The following PAG1 variants were observed in gnomAD, a reference collection of about 807,000 sequenced individuals.
PAG1 encodes phosphoprotein associated with glycosphingolipid-enriched microdomains 1.
PAG1 carries 23 observed loss-of-function variants against 31.7 expected under a neutral mutation model. The ratio of observed to expected loss-of-function variants is 0.73; its 90% CI spans 0.52 to 1.03. The LOEUF is 1.03. Among genes scored for constraint, PAG1 ranks in the 50% least tolerant of loss-of-function variants. The pLI, the probability that PAG1 is intolerant of heterozygous loss-of-function variation, is 0.00. For missense variants in PAG1, 473 were observed against 540.7 expected (o/e 0.87, Z 1.24); for synonymous variants, 214 against 210.3 (o/e 1.02, Z -0.15).
intron 3 of PAG1, among the ~76,000 whole-genome samples, chr8:81,000,462 T>A (rs1807765361): frequency 6.6e-6 from 1 of 152,106 alleles, no homozygotes; most frequent in South Asian, 2.1e-4. Flanking sequence ...TCGCCCAGGC[T>A]GGAGTGCAGT....
intron 1 of PAG1, among the ~76,000 whole-genome samples, chr8:81,101,572 C>T (rs772725036): frequency 6.6e-6 from 1 of 152,134 alleles, no homozygotes; most frequent in African/African-American, 2.4e-5. Flanking sequence ...TAATTCCTAA[C>T]ACTTAAAAAA....
rs192146260 is a variant in PAG1, at chr8:80,982,118, G to A, written c.877-1624C>T. ...TGGTTTCAAGTGATCCACCCACCTC[G>A]GCCTCCCAAAGTGTTACGATTACAG... On this transcript the variant is annotated intron_variant, in intron 7 of 8. Transcript: ENST00000220597. 9.9e-5 allele frequency among the ~76,000 whole-genome samples: 15 copies of A among 152,044 alleles called. 1 individual carries two copies. Among genetic ancestry groups the A allele is most frequent in the African/African-American group, 3.6e-4 (15 of 41,454 alleles).
rs539466416 is a variant in PAG1, at chr8:81,053,432, A to G, written c.-175+16680T>C. Among the ~76,000 whole-genome samples the G allele has an allele frequency of 2.0e-5, 3 of 152,336 alleles. No individual in the cohort carries two copies. In the South Asian group the frequency reaches 6.2e-4, roughly 32 times the overall value. ...AGTCGAGAAATGGATTCATATTTCC[A>G]TGGCTTACTTGACAGAGACAGACCA... On this transcript the variant is annotated intron_variant, in intron 2 of 8. Transcript: ENST00000220597.
chr8:81,028,671 T>C (rs1000438463), intron 3 of PAG1, among the ~76,000 whole-genome samples: 7 of 152,254 alleles, frequency 4.6e-5, no homozygotes, highest in African/African-American at 2.4e-5. Context: ...GCTATTAAAA[T>C]AGATTTTTGC....
rs1192204976 is a variant in PAG1 at position 80,976,574 on chromosome 8, C to A, written c.1269G>T (p.Leu423Phe). The change falls in exon 9 of 9, where the codon TTG becomes TTT. Residue 423 changes from leucine (L) to phenylalanine (F), a missense_variant. Coordinates refer to ENST00000220597, the MANE Select transcript of PAG1 (RefSeq NM_018440.4). ...GCCTGGTAATATCTCTGCCTTGCTG[C>A]AAGTCACTTATGCTCTCGTAGTCGT... Reference protein sequence around the residue: ...KENDYESISDLQQGRDITRL With the variant: ...KENDYESISDFQQGRDITRL The A allele has an allele frequency of 1.9e-6, 3 of 1,613,214 alleles. No homozygotes were observed. The highest frequency in any genetic ancestry group is 1.7e-4 in the Middle Eastern group (1 of 5,890).
intron 2 of PAG1, among the ~76,000 whole-genome samples, chr8:81,048,724 C>G (rs557493246): frequency 6.6e-6 from 1 of 152,054 alleles, no homozygotes; most frequent in African/African-American, 2.4e-5. Flanking sequence ...TTTACATCAA[C>G]GACGCTAGCA....
chr8:80,985,145 G>C lies in PAG1; in HGVS notation c.507C>G (p.Ser169Arg). The change falls in exon 7 of 9, where the codon AGC (serine) becomes AGG (arginine). Residue 169 changes from serine (S) to arginine (R), a missense_variant. By Grantham distance (110) the Ser-to-Arg change is moderately radical (BLOSUM62 -1). Coordinates refer to ENST00000220597, the MANE Select transcript of PAG1 (RefSeq NM_018440.4). ...MEGPYEVLKD[S>R]SSQENMVEDC... is the part of the protein sequence containing the mutation. ...CCTCCACCATGTTTTCTTGGGAGGA[G>C]CTGTCCTTGAGCACTTCATAGGGCC... The C allele has an allele frequency of 6.2e-7, 1 of 1,614,088 alleles. No homozygotes were observed. Among genetic ancestry groups the C allele is most frequent in the Non-Finnish European group, 8.5e-7 (1 of 1,180,014 alleles).
At chr8:81,012,357 T>G (rs907321101) in intron 3 of PAG1, among the ~76,000 whole-genome samples, 1 of 152,216 alleles carries the variant, frequency 6.6e-6, no homozygotes. Flanking sequence ...TCCAAACATG[T>G]GCCTATGTTT....
intron 1 of PAG1, among the ~76,000 whole-genome samples, chr8:81,097,363 T>G (rs1809544486): frequency 6.6e-6 from 1 of 152,134 alleles, no homozygotes; most frequent in African/African-American, 2.4e-5. Context: ...GTTGTCAGCT[T>G]CTTAACAACA....
At chr8:81,037,247 A>G (rs1808476250) in intron 2 of PAG1, 1 of 152,248 alleles carries the variant, frequency 6.6e-6, no homozygotes, top group Non-Finnish European at 1.5e-5. Context: ...TCCTTATACT[A>G]TCTACAACAT....
chr8:81,090,041 G>T (rs1029402059), intron 1 of PAG1, among the ~76,000 whole-genome samples: 1 of 151,964 alleles, frequency 6.6e-6, no homozygotes, highest in Non-Finnish European at 1.5e-5. Context: ...TTCACAAAGG[G>T]CCATGAGTAG....
intron 3 of PAG1, among the ~76,000 whole-genome samples, chr8:81,007,058 C>T (rs1807892935): frequency 6.6e-6 from 1 of 152,150 alleles, no homozygotes. Context: ...CTGCCCCCTT[C>T]ACTTCTCTAT....
At chr8:81,002,339 T>C (rs1807801110) in intron 3 of PAG1, among the ~76,000 whole-genome samples, 1 of 152,240 alleles carries the variant, frequency 6.6e-6, no homozygotes, top group African/African-American at 2.4e-5. Context: ...CTCATGATAT[T>C]GAAAAGATCC....
intron 1 of PAG1, among the ~76,000 whole-genome samples, chr8:81,081,809 G>A (rs1324926715): frequency 6.6e-6 from 1 of 152,172 alleles, no homozygotes; most frequent in East Asian, 1.9e-4. Context: ...GTACCGGTTT[G>A]TTCAGCCACT....
intron 3 of PAG1, among the ~76,000 whole-genome samples, chr8:81,025,547 C>T (rs1563633753): frequency 6.6e-6 from 1 of 152,154 alleles, no homozygotes; most frequent in Non-Finnish European, 1.5e-5. Context: ...CGGCTGCTCT[C>T]CACACTGGCA....
At chr8:81,003,263 T>C (rs1807820198) in intron 3 of PAG1, among the ~76,000 whole-genome samples, 1 of 152,166 alleles carries the variant, frequency 6.6e-6, no homozygotes, top group South Asian at 2.1e-4. Flanking sequence ...CAGATTCTGA[T>C]TTGGCAAGTC....
chr8:81,016,729 T>C (rs1808078591), intron 3 of PAG1, among the ~76,000 whole-genome samples: 1 of 152,160 alleles, frequency 6.6e-6, no homozygotes. Flanking sequence ...TTTTAGTACC[T>C]TCCATCAAGA....
intron 1 of PAG1, among the ~76,000 whole-genome samples, chr8:81,077,205 G>C (rs1380680551): frequency 6.6e-6 from 1 of 152,176 alleles, no homozygotes; most frequent in East Asian, 1.9e-4. Flanking sequence ...ACATTTAACA[G>C]GATGTACATT....
chr8:81,013,602 CAG>C (rs1228871511), intron 3 of PAG1, among the ~76,000 whole-genome samples: 1 of 152,166 alleles, frequency 6.6e-6, no homozygotes, highest in East Asian at 1.9e-4. Context: ...GTTTTTGAGA[CAG>C]AGTCTTGCTT....
Sources: allele counts gnomAD v4.1 joint callset (sites outside exome capture counted in the v4.1 genomes callset), GRCh38; gene constraint gnomAD v4.1.1; transcripts MANE v1.5; gene names NCBI Gene and HGNC (gene_info 2026-07-23, HGNC 2026-07-21).